BICD1: variants seen among roughly 807,000 people sequenced by gnomAD.
BICD1 encodes the protein protein bicaudal D homolog 1.
In BICD1, 35 loss-of-function variants were observed where a neutral mutation model predicts 92.5. The observed-to-expected ratio is 0.38, with a 90% CI of 0.29 to 0.50. The LOEUF is 0.50. Among genes scored for constraint, BICD1 ranks in the 20% least tolerant of loss-of-function variants. BICD1 has a pLI of 0.93. For missense variants in BICD1, 950 were observed against 1,189.8 expected (o/e 0.80, Z 2.97); for synonymous variants, 429 against 465.1 (o/e 0.92, Z 1.00).
intron 1 of BICD1, among the ~76,000 whole-genome samples, chr12:32,208,242 AC>A (rs1223474245): frequency 2.0e-5 from 3 of 152,176 alleles, no homozygotes; most frequent in Non-Finnish European, 4.4e-5. Context: ...TTTGCATTAA[AC>A]CCCAATGGAT....
intron 1 of BICD1, among the ~76,000 whole-genome samples, chr12:32,202,727 C>T (rs948519570): frequency 3.9e-5 from 6 of 152,148 alleles, no homozygotes; most frequent in African/African-American, 1.4e-4. Context: ...CCTCCCATCT[C>T]AGCCTCCCAA....
At chr12:32,184,055 G>T (rs539987146) in intron 1 of BICD1, among the ~76,000 whole-genome samples, 59 of 152,156 alleles carry the variant, frequency 3.9e-4, no homozygotes, top group Non-Finnish European at 7.6e-4. Flanking sequence ...CAAACATGGC[G>T]CCATCCCTAT....
At chr12:32,222,864 C>T (rs1473511435) in intron 2 of BICD1, among the ~76,000 whole-genome samples, 2 of 152,160 alleles carry the variant, frequency 1.3e-5, no homozygotes, top group Admixed American at 6.5e-5. Context: ...CCATCTTGGA[C>T]GCAGAGAGCA....
At position 32,378,722 on chromosome 12, in the gene BICD1, T is replaced by C. The variant is rs939973972; in HGVS notation, c.*1095T>C. The C allele has an allele frequency of 6.9e-6, 1 of 144,930 alleles. No individual in the cohort carries two copies. The highest frequency in any genetic ancestry group is 1.5e-5 in the Non-Finnish European group (1 of 68,004). 9.0% of individuals were successfully genotyped at this position (144,930 alleles called of 1,614,324 possible). ...AGTTTGATTAAAATTGTATGTTTTG[T>C]TGTTGTTAGTTTTTTTCATAACGAA... On this transcript the variant is annotated 3_prime_UTR_variant, in exon 10 of 10. Transcript: ENST00000652176.
chr12:32,125,273 A>G (rs1284894450), intron 1 of BICD1, among the ~76,000 whole-genome samples: 2 of 152,174 alleles, frequency 1.3e-5, no homozygotes, highest in Non-Finnish European at 2.9e-5. Flanking sequence ...ATGGTTGATC[A>G]GACCCTTGAA....
chr12:32,216,945 T>C (rs917945883), intron 2 of BICD1, among the ~76,000 whole-genome samples: 2 of 152,182 alleles, frequency 1.3e-5, no homozygotes, highest in African/African-American at 4.8e-5. Flanking sequence ...TTTTTCTGGT[T>C]ATAGAGAAGG....
intron 8 of BICD1, among the ~76,000 whole-genome samples, chr12:32,360,013 G>A (rs1039000428): frequency 2.6e-5 from 4 of 151,932 alleles, no homozygotes; most frequent in Admixed American, 6.6e-5. Context: ...GTGAAACCCC[G>A]TCTCTACTAA....
chr12:32,359,119 ACT>A (rs1470025272), intron 8 of BICD1, among the ~76,000 whole-genome samples: 1 of 152,122 alleles, frequency 6.6e-6, no homozygotes. Context: ...ACAATCTATA[ACT>A]CTCTGTCAAT....
Position 32,107,050 on chromosome 12 carries a change from G to A in BICD1, c.-282G>A. On this transcript the variant is annotated 5_prime_UTR_variant, in exon 1 of 10. The change abolishes the stop of an existing upstream ORF in the 5' untranslated region. Coordinates refer to ENST00000652176, the MANE Select transcript of BICD1 (RefSeq NM_001714.4). ...GCCCGGGCCATGCCGCACGGCTGCT[G>A]ACCGCACGCAGGGGCCGGCCCCGAG... 2.4e-6 allele frequency: 1 copy of A among 410,778 alleles called. No individual in the cohort carries two copies. The highest frequency in any genetic ancestry group is 4.4e-6 in the Non-Finnish European group (1 of 225,914). 25.4% of individuals were successfully genotyped at this position (410,778 alleles called of 1,614,324 possible).
At chr12:32,203,709 C>T (rs1173870167) in intron 1 of BICD1, among the ~76,000 whole-genome samples, 1 of 152,150 alleles carries the variant, frequency 6.6e-6, no homozygotes, top group African/African-American at 2.4e-5. Flanking sequence ...CAGCCTGCTA[C>T]CACTGGACCG....
intron 2 of BICD1, among the ~76,000 whole-genome samples, chr12:32,223,050 TA>T (rs1305775541): frequency 6.6e-6 from 1 of 152,258 alleles, no homozygotes; most frequent in Non-Finnish European, 1.5e-5. Context: ...TCAATGATCT[TA>T]GCTAGATCTG....
intron 2 of BICD1, among the ~76,000 whole-genome samples, chr12:32,226,456 A>C (rs1015106588): frequency 6.6e-6 from 1 of 152,188 alleles, no homozygotes; most frequent in Admixed American, 6.5e-5. Flanking sequence ...TTATATTAAT[A>C]TATTAACTGG....
chr12:32,359,299 A>G (rs947634854), intron 8 of BICD1, among the ~76,000 whole-genome samples: 2 of 152,178 alleles, frequency 1.3e-5, no homozygotes, highest in Non-Finnish European at 2.9e-5. Flanking sequence ...TTATAACAGA[A>G]TACTTGAAAC....
chr12:32,194,807 G>A (rs777470258), intron 1 of BICD1, among the ~76,000 whole-genome samples: 13 of 152,184 alleles, frequency 8.5e-5, no homozygotes, highest in Non-Finnish European at 1.6e-4. Context: ...CGCTTGAACC[G>A]GGAGGTGGAC....
At chr12:32,110,128 A>G (rs1333480259) in intron 1 of BICD1, among the ~76,000 whole-genome samples, 1 of 152,248 alleles carries the variant, frequency 6.6e-6, no homozygotes, top group Non-Finnish European at 1.5e-5. Context: ...GTATAGCAAC[A>G]TGGCTCAGTC....
At chr12:32,110,600 T>C (rs994467746) in intron 1 of BICD1, among the ~76,000 whole-genome samples, 2 of 152,160 alleles carry the variant, frequency 1.3e-5, no homozygotes, top group African/African-American at 4.8e-5. Context: ...TGGCTGATTA[T>C]ATGTTTGGGA....
chr12:32,357,339 T>G (rs1049627869), intron 8 of BICD1, among the ~76,000 whole-genome samples: 1 of 152,144 alleles, frequency 6.6e-6, no homozygotes, highest in Non-Finnish European at 1.5e-5. Context: ...AATTTGTGCT[T>G]CTTGCCTTTC....
chr12:32,171,741 C>T (rs2121514970), intron 1 of BICD1, among the ~76,000 whole-genome samples: 1 of 152,246 alleles, frequency 6.6e-6, no homozygotes, highest in East Asian at 1.9e-4. Flanking sequence ...GGAGACCAGT[C>T]TGGCCAACAT....
chr12:32,151,809 T>G (rs971488148), intron 1 of BICD1, among the ~76,000 whole-genome samples: 1 of 152,218 alleles, frequency 6.6e-6, no homozygotes, highest in Non-Finnish European at 1.5e-5. Context: ...TACCTCTGCC[T>G]GCACATCTGC....
Sources: gnomAD v4.1 joint callset for allele counts (sites outside exome capture counted in the v4.1 genomes callset) on GRCh38, gnomAD v4.1.1 for gene constraint, MANE v1.5 for transcripts, NCBI Gene and HGNC (gene_info 2026-07-23, HGNC 2026-07-21) for gene names.